Variants in MYL1 observed in about 807,000 individuals in gnomAD.
MYL1 encodes myosin light chain 1.
A neutral mutation model predicts 21.8 loss-of-function variants in MYL1; 16 were observed. The observed-to-expected ratio is 0.74, with a 90% CI of 0.50 to 1.12. The LOEUF (loss-of-function observed/expected upper bound fraction) is 1.12, where lower values mean the gene tolerates loss of function less well. Ranked by LOEUF, MYL1 falls within the 50% of genes most tolerant of loss-of-function variation. MYL1 has a pLI of 0.00. For synonymous variants in MYL1, 99 were observed against 85.2 expected, an observed-to-expected ratio of 1.16 and a Z score of -0.89; for missense variants, 246 against 241.0, an observed-to-expected ratio of 1.02 and a Z score of -0.14.
chr2:210,298,541 C>A lies in MYL1; in HGVS notation c.183G>T (p.Leu61=). The A allele has an allele frequency of 6.2e-7, 1 of 1,614,096 alleles. No individual in the cohort carries two copies. Among genetic ancestry groups the A allele is most frequent in the Non-Finnish European group, 8.5e-7 (1 of 1,179,994 alleles). The change falls in exon 3 of 7, where the codon CTG becomes CTT. Residue 61 remains leucine (L), a synonymous_variant. Coordinates refer to ENST00000352451, the MANE Select transcript of MYL1 (RefSeq NM_079420.3). ...TCTTGGAATCACCTGTTCTGTCAAA[C>A]AGGAGAAATGCCTCCTTGAATTCTG... ...QQDEFKEAFL[L]FDRTGDSKIT...
intron 2 of MYL1, among the ~76,000 whole-genome samples, chr2:210,301,171 T>G (rs565050391): frequency 6.6e-6 from 1 of 152,146 alleles, no homozygotes; most frequent in Non-Finnish European, 1.5e-5. Flanking sequence ...TAGGTGACAA[T>G]GTAGCAGCAT....
intron 1 of MYL1, among the ~76,000 whole-genome samples, chr2:210,309,389 TA>T (rs1452741038): frequency 6.6e-6 from 1 of 152,062 alleles, no homozygotes; most frequent in African/African-American, 2.4e-5. Context: ...AGGAAGAGTA[TA>T]AAGTTGATAA....
In MYL1 at chr2:210,294,368, C is replaced by T; in HGVS notation, c.355G>A (p.Ala119Thr). The T allele has an allele frequency of 6.2e-7, 1 of 1,614,010 alleles. No individual in the cohort carries two copies. The highest frequency in any genetic ancestry group is 1.1e-5 in the South Asian group (1 of 91,066). ...GCCTGGTCCTTGTTGTTGGAAATGG[C>T]TTGCATCATAGGCAGAAATTGTTCA... is the stretch of plus-strand genomic sequence containing the variant. ...EFEQFLPMMQ[A>T]ISNNKDQATY... is the part of the protein sequence containing the mutation. The change falls in exon 4 of 7, where the codon GCC (alanine) becomes ACC (threonine). Residue 119 changes from alanine to threonine, a missense_variant. Transcript: ENST00000352451.
At chr2:210,303,665 C>G in intron 1 of MYL1, 1 of 1,438,854 alleles carries the variant, frequency 6.9e-7, no homozygotes, top group Non-Finnish European at 9.4e-7. Flanking sequence ...AAGCTTTGAC[C>G]TCACAGCTAG....
chr2:210,300,013 G>T (rs749383805), intron 2 of MYL1, among the ~76,000 whole-genome samples: 2 of 151,550 alleles, frequency 1.3e-5, no homozygotes, highest in Admixed American at 1.3e-4. Flanking sequence ...CTTCCCCCTC[G>T]AATTCTATGC....
intron 1 of MYL1, among the ~76,000 whole-genome samples, chr2:210,312,544 C>T (rs1306885595): frequency 6.6e-6 from 1 of 151,732 alleles, no homozygotes; most frequent in Admixed American, 6.6e-5. Context: ...TTATAAAATT[C>T]TTGAGTTGTA....
At position 210,313,652 on chromosome 2, in the gene MYL1, T is replaced by A. The variant is rs191850925; in HGVS notation, c.132+1259A>T. 9.9e-5 allele frequency among the ~76,000 whole-genome samples: 15 copies of A among 152,126 alleles called. No individual in the cohort carries two copies. In the East Asian group the frequency reaches 2.9e-3, roughly 29 times the overall value. On this transcript the variant is annotated intron_variant, in intron 1 of 6. Transcript: ENST00000352451. ...CTTCAAATACCTACAAACTAAAGAT[T>A]AAATATTCGTGATAATTTACTTATA...
intron 2 of MYL1, among the ~76,000 whole-genome samples, chr2:210,300,159 A>C (rs1690242194): frequency 6.6e-6 from 1 of 152,154 alleles, no homozygotes; most frequent in Admixed American, 6.6e-5. Flanking sequence ...TCAGGCTTTC[A>C]TGGACAGACT....
chr2:210,302,385 T>G (rs1690277171), intron 2 of MYL1, 103 bp downstream of exon 2: 5 of 1,046,142 alleles, frequency 4.8e-6, no homozygotes, highest in Non-Finnish European at 4.1e-6. Flanking sequence ...GCAACACCAG[T>G]GGGGATAATT....
Position 210,294,276 on chromosome 2 carries a change from A to C in MYL1, c.447T>G (p.Gly149=), listed in dbSNP as rs747621589. ...TGGCTAGAACATGGCGGAGTTCAGC[A>C]CCCATGACTGTGCCATTGCCTTCCT... is the stretch of plus-strand genomic sequence containing the variant. ...FDKEGNGTVM[G]AELRHVLATL... Residue 149 remains glycine (G), a synonymous_variant, in exon 4 of 7, where the codon GGT becomes GGG. Transcript: ENST00000352451. 6.2e-7 allele frequency: 1 copy of C among 1,613,882 alleles called. No individual in the cohort carries two copies. The highest frequency in any genetic ancestry group is 8.5e-7 in the Non-Finnish European group (1 of 1,179,898).
chr2:210,314,837 G>A (rs1690466065), intron 1 of MYL1, 74 bp downstream of exon 1: 7 of 1,513,282 alleles, frequency 4.6e-6, no homozygotes, highest in Middle Eastern at 1.7e-4. Flanking sequence ...AAAAATACAC[G>A]CCTTTGCAAG....
At chr2:210,309,927 C>T (rs931651398) in intron 1 of MYL1, among the ~76,000 whole-genome samples, 1 of 152,008 alleles carries the variant, frequency 6.6e-6, no homozygotes, top group South Asian at 2.1e-4. Flanking sequence ...CTTTCAAAGA[C>T]ATTATCCATC....
chr2:210,314,818 C>T (rs1379007910), intron 1 of MYL1, 93 bp downstream of exon 1: 12 of 1,366,212 alleles, frequency 8.8e-6, no homozygotes, highest in Non-Finnish European at 1.2e-5. Flanking sequence ...AATGCTATTC[C>T]TCTCAATGAA....
intron 1 of MYL1, chr2:210,302,970 T>A: frequency 1.6e-6 from 1 of 610,988 alleles, no homozygotes; most frequent in Non-Finnish European, 2.9e-6. Context: ...TTGCAAAAGA[T>A]AATTAGGGAA....
intron 1 of MYL1, among the ~76,000 whole-genome samples, chr2:210,303,325 A>G (rs1034210393): frequency 3.9e-5 from 6 of 152,238 alleles, no homozygotes; most frequent in Admixed American, 3.9e-4. Flanking sequence ...CATAAAGCAC[A>G]GCTCTTGGAA....
At chr2:210,302,977 G>A in intron 1 of MYL1, 18 of 588,110 alleles carry the variant, frequency 3.1e-5, no homozygotes, top group South Asian at 1.7e-4. Flanking sequence ...AGATAATTAG[G>A]GAATATCTTT....
chr2:210,295,827 A>G (rs1178848449), intron 3 of MYL1, among the ~76,000 whole-genome samples: 6 of 130,124 alleles, frequency 4.6e-5, no homozygotes, highest in East Asian at 4.3e-4. Flanking sequence ...CCTGCCTCAG[A>G]AAAAAAAAAA....
intron 2 of MYL1, 144 bp from the exon 3 acceptor site, chr2:210,298,707 G>A: frequency 1.1e-6 from 1 of 903,830 alleles, no homozygotes; most frequent in Non-Finnish European, 1.6e-6. Context: ...TTCTCTTTTT[G>A]TATCTCCAAA....
intron 5 of MYL1, among the ~76,000 whole-genome samples, chr2:210,292,147 C>T (rs1049389711): frequency 6.6e-6 from 1 of 152,190 alleles, no homozygotes; most frequent in African/African-American, 2.4e-5. Flanking sequence ...TCACTCACTG[C>T]AAACTCCACC....
Sources: allele counts gnomAD v4.1 joint callset (sites outside exome capture counted in the v4.1 genomes callset), GRCh38; gene constraint gnomAD v4.1.1; transcripts MANE v1.5; gene names NCBI Gene and HGNC (gene_info 2026-07-23, HGNC 2026-07-21).